Variants in EMCN observed in about 807,000 individuals in gnomAD.
EMCN encodes MUC-14.
Under a neutral mutation model 38.4 loss-of-function variants are expected in EMCN, and 37 were observed. That is an observed-to-expected ratio of 0.96 (90% CI 0.74 to 1.27). The LOEUF is 1.27. EMCN is among the 50% of genes most tolerant of loss of function. The pLI is 0.00. For synonymous variants in EMCN, 95 were observed against 100.8 expected (o/e 0.94, Z 0.35); for missense variants, 318 against 302.8 (o/e 1.05, Z -0.37).
intron 3 of EMCN, among the ~76,000 whole-genome samples, chr4:100,473,315 C>T (rs1180515642): frequency 6.8e-6 from 1 of 147,958 alleles, no homozygotes; most frequent in Non-Finnish European, 1.5e-5. Context: ...GTGTGAGCCA[C>T]TGCACCCGTC....
chr4:100,488,694 G>T (rs1276429151), intron 1 of EMCN, among the ~76,000 whole-genome samples: 2 of 152,028 alleles, frequency 1.3e-5, no homozygotes, highest in African/African-American at 4.8e-5. Flanking sequence ...CTACAGTATT[G>T]CACTTGAAGC....
intron 11 of EMCN, among the ~76,000 whole-genome samples, chr4:100,401,877 A>G (rs925955177): frequency 1.3e-5 from 2 of 152,168 alleles, no homozygotes; most frequent in Non-Finnish European, 2.9e-5. Context: ...GTGAGGGAGC[A>G]ACCAGGTAGC....
In EMCN at chr4:100,506,853, CTG is replaced by C. The variant is rs1039335679; in HGVS notation, c.64+10996_64+10997del. On this transcript the variant is annotated intron_variant, in intron 1 of 11. Transcript: ENST00000296420. ...AATGAACCAGTTGACAAATTTCAGT[CTG>C]TTGTTTTTTGATACTAGAAGTGTGA... Among the ~76,000 whole-genome samples, 5 of 152,098 alleles carry C rather than the reference CTG, an allele frequency of 3.3e-5. 1 individual carries two copies. Among genetic ancestry groups the C allele is most frequent in the Admixed American group, 3.3e-4 (5 of 15,270 alleles).
At chr4:100,468,201 G>A (rs978013802) in intron 3 of EMCN, among the ~76,000 whole-genome samples, 5 of 152,186 alleles carry the variant, frequency 3.3e-5, no homozygotes, top group African/African-American at 9.6e-5. Context: ...ATGGAGAAAA[G>A]AAACCTTGAT....
At chr4:100,410,978 T>C (rs909452034) in intron 10 of EMCN, among the ~76,000 whole-genome samples, 1 of 152,204 alleles carries the variant, frequency 6.6e-6, no homozygotes, top group Non-Finnish European at 1.5e-5. Context: ...ATATTTCGCA[T>C]TACTTGTGTC....
intron 5 of EMCN, among the ~76,000 whole-genome samples, chr4:100,443,290 C>T (rs1727574170): frequency 6.6e-6 from 1 of 152,222 alleles, no homozygotes; most frequent in Non-Finnish European, 1.5e-5. Flanking sequence ...GATGTCTGCA[C>T]ATTTAGTGAT....
intron 3 of EMCN, among the ~76,000 whole-genome samples, chr4:100,469,604 G>T (rs977644773): frequency 3.3e-5 from 2 of 61,382 alleles, no homozygotes; most frequent in African/African-American, 6.4e-5. Flanking sequence ...GTTAATTTTT[G>T]AATATGGTGT....
At chr4:100,455,215 T>C (rs1727976293) in intron 4 of EMCN, among the ~76,000 whole-genome samples, 1 of 152,120 alleles carries the variant, frequency 6.6e-6, no homozygotes, top group African/African-American at 2.4e-5. Context: ...CTTTCTCTCA[T>C]TTTGGCATTT....
intron 4 of EMCN, among the ~76,000 whole-genome samples, chr4:100,461,991 C>A (rs1316904714): frequency 6.6e-6 from 1 of 152,102 alleles, no homozygotes; most frequent in Non-Finnish European, 1.5e-5. Flanking sequence ...CTCTGCTAAC[C>A]AGGAATCTGG....
chr4:100,418,028 A>G (rs886425203), intron 8 of EMCN, among the ~76,000 whole-genome samples: 1 of 151,904 alleles, frequency 6.6e-6, no homozygotes, highest in Non-Finnish European at 1.5e-5. Context: ...AAAGACCTTA[A>G]CTTCCACTCA....
intron 1 of EMCN, among the ~76,000 whole-genome samples, chr4:100,514,292 G>T (rs867784248): frequency 6.6e-6 from 1 of 151,286 alleles, no homozygotes; most frequent in East Asian, 1.9e-4. Flanking sequence ...TCCTATTTCT[G>T]GTATTAAAAA....
chr4:100,419,047 G>C (rs532754283), intron 8 of EMCN, among the ~76,000 whole-genome samples: 1 of 151,936 alleles, frequency 6.6e-6, no homozygotes, highest in East Asian at 1.9e-4. Context: ...ATTCTCTCCA[G>C]CAAAATGTAT....
chr4:100,409,826 A>G (rs537340351), intron 11 of EMCN, among the ~76,000 whole-genome samples: 3 of 152,352 alleles, frequency 2.0e-5, no homozygotes, highest in Admixed American at 2.0e-4. Context: ...TCCCTGAGCC[A>G]GCCTACGGCT....
At position 100,397,087 on chromosome 4, in the gene EMCN, G is replaced by A. The variant is rs2110200887; in HGVS notation, c.*1326C>T. ...AGGTGATTATATAACTCCTAAAGAT[G>A]GAAGTTGTCAAAATACATCACCACA... On this transcript the variant is annotated 3_prime_UTR_variant, in exon 12 of 12. Coordinates refer to ENST00000296420, the MANE Select transcript of EMCN (RefSeq NM_016242.4). 1 of 152,048 alleles carries A rather than the reference G, an allele frequency of 6.6e-6. No homozygotes were observed. The highest frequency in any genetic ancestry group is 1.9e-4 in the East Asian group (1 of 5,162). 9.4% of individuals were successfully genotyped at this position (152,048 alleles called of 1,614,324 possible). A position where few individuals can be genotyped will look rare whatever the true frequency, so the allele number is the denominator to read the frequency against.
At position 100,427,934 on chromosome 4, in the gene EMCN, A is replaced by G. The variant is rs140670416; in HGVS notation, c.416-4530T>C. 1.2e-3 allele frequency among the ~76,000 whole-genome samples: 189 copies of G among 152,030 alleles called. 2 individuals are homozygous for G. Among genetic ancestry groups the G allele is most frequent in the South Asian group, 1.9e-3 (9 of 4,812 alleles). On this transcript the variant is annotated intron_variant, in intron 5 of 11. Transcript: ENST00000296420. ...GGCTCATCTCTTTCTATTCTATTCC[A>G]CACGCAATCATCAGGAATAGTTATT... is the stretch of plus-strand genomic sequence containing the variant.
chr4:100,428,209 C>G (rs1727103878), intron 5 of EMCN, among the ~76,000 whole-genome samples: 1 of 152,164 alleles, frequency 6.6e-6, no homozygotes, highest in African/African-American at 2.4e-5. Context: ...AAATCCCCTG[C>G]CTCAACTCCG....
At chr4:100,433,278 T>C (rs944485972) in intron 5 of EMCN, among the ~76,000 whole-genome samples, 1 of 152,230 alleles carries the variant, frequency 6.6e-6, no homozygotes, top group Admixed American at 6.5e-5. Context: ...ATCCATGTTT[T>C]GGCAAATGGC....
rs558016397 is a variant in EMCN at position 100,461,546 on chromosome 4, A to C, written c.376+3877T>G. On this transcript the variant is annotated intron_variant, in intron 4 of 11. Transcript: ENST00000296420. ...TCAAAAAGCCCACATTTTTTAAATA[A>C]TAAAGTCAGAGCACTAGATTAATGA... 2.0e-5 allele frequency among the ~76,000 whole-genome samples: 3 copies of C among 152,298 alleles called. 1 individual carries two copies. Among genetic ancestry groups the C allele is most frequent in the African/African-American group, 7.2e-5 (3 of 41,578 alleles).
intron 3 of EMCN, among the ~76,000 whole-genome samples, chr4:100,467,745 T>C (rs1269547095): frequency 1.3e-5 from 2 of 152,000 alleles, no homozygotes; most frequent in African/African-American, 4.8e-5. Context: ...TGAGAAAATT[T>C]TTCCAGTTGT....
Sources: gnomAD v4.1 joint callset for allele counts (sites outside exome capture counted in the v4.1 genomes callset) on GRCh38, gnomAD v4.1.1 for gene constraint, MANE v1.5 for transcripts, NCBI Gene and HGNC (gene_info 2026-07-23, HGNC 2026-07-21) for gene names.